The following MCC variants were observed in gnomAD, a reference collection of about 807,000 sequenced individuals.
The protein encoded by MCC is MCC regulator of Wnt signaling pathway, also known as colorectal mutant cancer protein.
Under a neutral mutation model 116.2 loss-of-function variants are expected in MCC, and 90 were observed. That is an observed-to-expected ratio of 0.77 (90% CI 0.65 to 0.92). The LOEUF (loss-of-function observed/expected upper bound fraction) is 0.92. MCC is among the 40% of genes least tolerant of loss of function. MCC has a pLI of 0.00. For missense variants in MCC, 1,516 were observed against 1,312.2 expected (o/e 1.16, Z -2.40); for synonymous variants, 578 against 510.5 (o/e 1.13, Z -1.78).
chr5:113,240,507 T>C (rs1321617533), intron 3 of MCC, among the ~76,000 whole-genome samples: 1 of 152,184 alleles, frequency 6.6e-6, no homozygotes, highest in African/African-American at 2.4e-5. Flanking sequence ...GATGGCATGA[T>C]TCATGATATC....
chr5:113,333,226 G>A (rs1767745450), intron 3 of MCC, among the ~76,000 whole-genome samples: 1 of 151,706 alleles, frequency 6.6e-6, no homozygotes, highest in South Asian at 2.1e-4. Flanking sequence ...TGTATTGGAT[G>A]AAACGTGTGG....
At chr5:113,356,398 A>T (rs6879612) in intron 2 of MCC, among the ~76,000 whole-genome samples, 1 of 147,918 alleles carries the variant, frequency 6.8e-6, no homozygotes, top group African/African-American at 2.5e-5. Flanking sequence ...TTATATAAAT[A>T]TATATATCAA....
intron 1 of MCC, among the ~76,000 whole-genome samples, chr5:113,409,349 C>G (rs1769917090): frequency 6.6e-6 from 1 of 152,068 alleles, no homozygotes; most frequent in African/African-American, 2.4e-5. Context: ...ATTAATAACA[C>G]TGTTAAATAC....
intron 1 of MCC, among the ~76,000 whole-genome samples, chr5:113,386,850 G>GA (rs1382879724): frequency 6.6e-6 from 1 of 151,180 alleles, no homozygotes; most frequent in Non-Finnish European, 1.5e-5. Context: ...ATGAGGATAG[G>GA]AATAAATATA....
At chr5:113,487,294 G>A (rs1161213014) in intron 1 of MCC, among the ~76,000 whole-genome samples, 1 of 151,698 alleles carries the variant, frequency 6.6e-6, no homozygotes, top group Non-Finnish European at 1.5e-5. Context: ...AAAGAAACAT[G>A]TAATGCACAA....
At chr5:113,219,687 G>C (rs867664933) in intron 3 of MCC, among the ~76,000 whole-genome samples, 1 of 152,278 alleles carries the variant, frequency 6.6e-6, no homozygotes, top group South Asian at 2.1e-4. Context: ...ATAATAAAGT[G>C]AGGTTTGTTT....
At chr5:113,197,751 T>C (rs1295481737) in intron 3 of MCC, among the ~76,000 whole-genome samples, 1 of 152,154 alleles carries the variant, frequency 6.6e-6, no homozygotes, top group East Asian at 1.9e-4. Context: ...ACTTTATAGT[T>C]GAGAAGAAAA....
chr5:113,354,091 CTT>C (rs1300599502), intron 2 of MCC, among the ~76,000 whole-genome samples: 2 of 152,172 alleles, frequency 1.3e-5, no homozygotes, highest in African/African-American at 4.8e-5. Flanking sequence ...ACATAAAAGA[CTT>C]ATTTCTCTGC....
rs557619575 is a variant in MCC, at chr5:113,055,412, C to T, written c.2214-1453G>A. 6.6e-5 allele frequency among the ~76,000 whole-genome samples: 10 copies of T among 152,326 alleles called. No homozygotes were observed. The South Asian group carries it at 2.1e-3, about 32-fold the overall frequency. ...AGACATGAGTGAGGGCAGGCCCACT[C>T]TTGTACATGACACATTGCTACGAAG... On this transcript the variant is annotated intron_variant, in intron 14 of 18. Coordinates refer to ENST00000408903, the MANE Select transcript of MCC (RefSeq NM_001085377.2).
intron 1 of MCC, among the ~76,000 whole-genome samples, chr5:113,480,906 C>T (rs999213926): frequency 7.2e-5 from 11 of 152,128 alleles, no homozygotes; most frequent in African/African-American, 9.7e-5. Flanking sequence ...TCCTGAGTAG[C>T]CAGTACTACA....
At chr5:113,397,033 G>A (rs1249784842) in intron 1 of MCC, among the ~76,000 whole-genome samples, 1 of 152,164 alleles carries the variant, frequency 6.6e-6, no homozygotes, top group African/African-American at 2.4e-5. Context: ...AAACCAGAGA[G>A]ACACTGCTAT....
At chr5:113,153,487 C>T (rs1355967804) in intron 3 of MCC, among the ~76,000 whole-genome samples, 1 of 152,186 alleles carries the variant, frequency 6.6e-6, no homozygotes, top group Non-Finnish European at 1.5e-5. Context: ...AGTGATAATA[C>T]CTTCTGGCCT....
intron 1 of MCC, among the ~76,000 whole-genome samples, chr5:113,395,081 G>A (rs1294891236): frequency 6.6e-6 from 1 of 152,122 alleles, no homozygotes; most frequent in Non-Finnish European, 1.5e-5. Flanking sequence ...TTCATTCCTT[G>A]TTCATTATCT....
intron 3 of MCC, among the ~76,000 whole-genome samples, chr5:113,290,993 G>A (rs1427518537): frequency 6.6e-6 from 1 of 152,062 alleles, no homozygotes; most frequent in African/African-American, 2.4e-5. Context: ...GAATTCCTTT[G>A]CTTTCAAAAA....
At chr5:113,238,091 T>C (rs1764198606) in intron 3 of MCC, among the ~76,000 whole-genome samples, 1 of 152,196 alleles carries the variant, frequency 6.6e-6, no homozygotes, top group Non-Finnish European at 1.5e-5. Flanking sequence ...CAGCTATATC[T>C]GGCTTCCCTC....
At chr5:113,450,626 G>A (rs1406894577) in intron 1 of MCC, among the ~76,000 whole-genome samples, 1 of 152,208 alleles carries the variant, frequency 6.6e-6, no homozygotes, top group Non-Finnish European at 1.5e-5. Flanking sequence ...ATGCTTGTGA[G>A]GTATTTCAGA....
At chr5:113,422,169 T>C (rs1770357061) in intron 1 of MCC, among the ~76,000 whole-genome samples, 1 of 152,120 alleles carries the variant, frequency 6.6e-6, no homozygotes, top group Non-Finnish European at 1.5e-5. Flanking sequence ...CCATGGTAAA[T>C]ACACTCCGGC....
At chr5:113,056,094 T>C (rs1752816654) in intron 14 of MCC, among the ~76,000 whole-genome samples, 1 of 152,214 alleles carries the variant, frequency 6.6e-6, no homozygotes, top group Non-Finnish European at 1.5e-5. Context: ...TATCTAGGTA[T>C]AGATGTCTCC....
intron 3 of MCC, among the ~76,000 whole-genome samples, chr5:113,209,112 G>C (rs1561459024): frequency 3.3e-5 from 5 of 152,174 alleles, no homozygotes; most frequent in African/African-American, 1.2e-4. Context: ...ATGTCCAACA[G>C]AGTGAGATTA....
Sources: gnomAD v4.1 joint callset for allele counts (sites outside exome capture counted in the v4.1 genomes callset) on GRCh38, gnomAD v4.1.1 for gene constraint, MANE v1.5 for transcripts, NCBI Gene and HGNC (gene_info 2026-07-23, HGNC 2026-07-21) for gene names.